The following NEB variants were observed in gnomAD, a reference collection of about 807,000 sequenced individuals.
The protein encoded by NEB is nemaline myopathy type 2.
Under a neutral mutation model 952.2 loss-of-function variants are expected in NEB, and 512 were observed. That is an observed-to-expected ratio of 0.54 (90% CI 0.50 to 0.58). NEB has a LOEUF of 0.58. Ranked by LOEUF, NEB falls within the 20% of genes least tolerant of loss-of-function variation. The pLI is 0.00. For missense variants in NEB, 8,428 were observed against 9,231.1 expected (o/e 0.91, Z 3.56); for synonymous variants, 2,900 against 3,149.8 (o/e 0.92, Z 2.66).
At chr2:151,638,787 T>C (rs1326266241) in intron 63 of NEB, among the ~76,000 whole-genome samples, 1 of 135,188 alleles carries the variant, frequency 7.4e-6, no homozygotes, top group Admixed American at 8.0e-5. Flanking sequence ...ATATTTACAC[T>C]GACAGATATT....
At chr2:151,710,296 C>T (rs924499233) in intron 11 of NEB, 138 bp downstream of exon 11, 21 of 492,094 alleles carry the variant, frequency 4.3e-5, no homozygotes, top group African/African-American at 4.1e-4. Flanking sequence ...TTAAAAGGAA[C>T]TCTGCACCAG....
rs1197676558 is a variant in NEB at position 151,697,440 on chromosome 2, G to A, written c.1275C>T (p.Ser425=). Reference sequence around the variant, plus strand: ...AATGTCCCAAAATATCTTTTAAGTAGGAATCTTTATATTTTTTCTGCAAGA... The same window carrying A: ...AATGTCCCAAAATATCTTTTAAGTAAGAATCTTTATATTTTTTCTGCAAGA... ...NFSSDKKYKD[S]YLKDILGHYV... The change falls in exon 15 of 182, where the codon TCC becomes TCT. Residue 425 remains serine (S), a synonymous_variant. Coordinates refer to ENST00000397345, the MANE Select transcript of NEB (RefSeq NM_001164508.2). 1.9e-6 allele frequency: 3 copies of A among 1,613,352 alleles called. No individual in the cohort carries two copies. Among genetic ancestry groups the A allele is most frequent in the Admixed American group, 1.7e-5 (1 of 59,970 alleles).
At chr2:151,501,273 T>C (rs971272496) in intron 168 of NEB, 118 bp downstream of exon 168, 1 of 645,296 alleles carries the variant, frequency 1.5e-6, no homozygotes, top group Non-Finnish European at 2.7e-6. Flanking sequence ...ATTCAGTTGA[T>C]GTGATTAAAA....
Position 151,638,837 on chromosome 2 carries a change from GT to G in NEB, c.8994+442del, listed in dbSNP as rs1247606500. Among the ~76,000 whole-genome samples, 224 of 149,706 alleles carry G rather than the reference GT, an allele frequency of 1.5e-3. 1 individual carries two copies. Among genetic ancestry groups the G allele is most frequent in the Middle Eastern group, 6.9e-3 (2 of 288 alleles). On this transcript the variant is annotated intron_variant, in intron 63 of 181. Coordinates refer to ENST00000397345, the MANE Select transcript of NEB (RefSeq NM_001164508.2). ...TGTGTGTGTGTGTGTGTGTGTGTGT[GT>G]GGGTTACCTGGTAGTACTGTGGATT...
chr2:151,576,380 C>T, intron 105 of NEB, 26 bp from the exon 106 acceptor site: 1 of 1,557,676 alleles, frequency 6.4e-7, no homozygotes, highest in South Asian at 1.2e-5. Context: ...CAGGTAGAAG[C>T]AGGGTTTGTG....
At chr2:151,624,768 A>G (rs550544634) in intron 71 of NEB, among the ~76,000 whole-genome samples, 7 of 152,196 alleles carry the variant, frequency 4.6e-5, no homozygotes, top group Non-Finnish European at 8.8e-5. Context: ...TTAAAAAATT[A>G]GTATCCTTCT....
At chr2:151,719,133 T>C (rs2099767287) in intron 9 of NEB, among the ~76,000 whole-genome samples, 1 of 152,222 alleles carries the variant, frequency 6.6e-6, no homozygotes, top group South Asian at 2.1e-4. Context: ...GATGACACTG[T>C]AATTTTTTGT....
chr2:151,621,281 C>T (rs1248801257), intron 71 of NEB, among the ~76,000 whole-genome samples: 3 of 152,160 alleles, frequency 2.0e-5, no homozygotes, highest in East Asian at 1.9e-4. Flanking sequence ...TAAATGAACA[C>T]CTCTTAATGT....
chr2:151,539,307 A>G (rs983296084), intron 138 of NEB, among the ~76,000 whole-genome samples: 1 of 152,206 alleles, frequency 6.6e-6, no homozygotes, highest in African/African-American at 2.4e-5. Context: ...TGAGGGGAGT[A>G]TATGATTTTT....
At position 151,680,366 on chromosome 2, in the gene NEB, T is replaced by C. The variant is rs528433512; in HGVS notation, c.3043-344A>G. 1.2e-4 allele frequency among the ~76,000 whole-genome samples: 6 copies of C among 51,446 alleles called. No individual in the cohort carries two copies. In the South Asian group the frequency reaches 3.4e-3, roughly 29 times the overall value. 33.8% of individuals were successfully genotyped at this position (51,446 alleles called of 152,430 possible). A position where few individuals can be genotyped will look rare whatever the true frequency, so the allele number is the denominator to read the frequency against. ...AAGGACTTAGGGATGGTTTTGATTA[T>C]ATATGATTTTTTTTTTTTTTGCACT... On this transcript the variant is annotated intron_variant, in intron 30 of 181. Coordinates refer to ENST00000397345, the MANE Select transcript of NEB (RefSeq NM_001164508.2).
rs2153566996 is a variant in NEB, at chr2:151,540,334, G to A, written c.20892+10C>T. On this transcript the variant is annotated intron_variant, in intron 138 of 181. Transcript: ENST00000397345. ...CATCACAACAGAAGAAAAAAGGAAG[G>A]GATGCATACATCACTGGCATTCCAG... 1.3e-6 allele frequency: 2 copies of A among 1,522,066 alleles called. No individual in the cohort carries two copies. The allele number at this position is 1,522,066 out of a possible 1,614,324, so 94.3% of individuals were successfully genotyped here.
chr2:151,631,122 C>CT (rs1454187811), intron 66 of NEB, 21 bp downstream of exon 66: 1 of 1,612,872 alleles, frequency 6.2e-7, no homozygotes, highest in Non-Finnish European at 8.5e-7. Context: ...CTTGGAGAAG[C>CT]TTAAGGCAGC....
intron 138 of NEB, 94 bp downstream of exon 138, chr2:151,540,250 A>T (rs866977419): frequency 1.3e-6 from 1 of 759,240 alleles, no homozygotes; most frequent in Non-Finnish European, 2.1e-6. Flanking sequence ...CATGGTTTAG[A>T]ACTATGGATA....
rs1399785909 is a variant in NEB at position 151,557,761 on chromosome 2, CA to C, written c.19315-2718del. On this transcript the variant is annotated intron_variant, in intron 124 of 181. Transcript: ENST00000397345. ...TCTATCACATAAACAGAACCAAGGACAAAAACCACATGATTATCTCAATAGA... is the reference window on the plus strand; with the variant it reads ...TCTATCACATAAACAGAACCAAGGACAAAACCACATGATTATCTCAATAGA... 9.9e-5 allele frequency among the ~76,000 whole-genome samples: 15 copies of C among 152,246 alleles called. No individual in the cohort carries two copies. In the East Asian group the frequency reaches 2.7e-3, roughly 27 times the overall value.
At chr2:151,496,598 G>GAGTT (rs1227162007) in intron 172 of NEB, among the ~76,000 whole-genome samples, 3 of 152,188 alleles carry the variant, frequency 2.0e-5, no homozygotes, top group Admixed American at 6.5e-5. Context: ...AAGGCTGTCA[G>GAGTT]AGTTATCCAT....
chr2:151,688,168 C>A, intron 25 of NEB, 124 bp downstream of exon 25: 1 of 768,792 alleles, frequency 1.3e-6, no homozygotes, highest in Non-Finnish European at 2.1e-6. Flanking sequence ...TTAAAAGCTC[C>A]ACTTACAAAG....
rs759480366 is a variant in NEB at position 151,547,530 on chromosome 2, T to C, written c.20266A>G (p.Ile6756Val). 26 of 1,601,386 alleles carry C rather than the reference T, an allele frequency of 1.6e-5. No individual in the cohort carries two copies. In the East Asian group the frequency reaches 5.2e-4, roughly 32 times the overall value. ...KKTQEAVSEL[I>V]YKSDFFKMQG... ...ATCTTGAAGAAGTCTGATTTGTAGA[T>C]CAACTAAAGAAAAAAAAATACCCCA... Residue 6756 changes from isoleucine (I) to valine (V), a missense_variant, in exon 133 of 182, where the codon ATC becomes GTC. This residue lies in a region of NEB where 3,374 missense variants were observed against 3,651.5 expected (regional missense o/e 0.92). Transcript: ENST00000397345.
At chr2:151,550,036 G>T (rs1168289099) in intron 129 of NEB, among the ~76,000 whole-genome samples, 1 of 152,114 alleles carries the variant, frequency 6.6e-6, no homozygotes, top group Admixed American at 6.6e-5. Flanking sequence ...GGGAGGCCAA[G>T]GCAGGAGGAT....
At chr2:151,620,374 T>A (rs1235802199) in intron 72 of NEB, among the ~76,000 whole-genome samples, 3 of 81,914 alleles carry the variant, frequency 3.7e-5, no homozygotes, top group African/African-American at 1.1e-4. Flanking sequence ...TATATATATA[T>A]ATATATATAT....
Sources: allele counts gnomAD v4.1 joint callset (sites outside exome capture counted in the v4.1 genomes callset), GRCh38; gene constraint gnomAD v4.1.1; regional missense constraint gnomAD v4.1.1; transcripts MANE v1.5; gene names NCBI Gene and HGNC (gene_info 2026-07-23, HGNC 2026-07-21).